Variants in FALEC observed in about 807,000 individuals in gnomAD.
FALEC encodes focally amplified lncRNA regulator of ECM1.
downstream of FALEC, among the ~76,000 whole-genome samples, chr1:150,522,257 A>G (rs936167469): frequency 3.5e-4 from 41 of 116,166 alleles, no homozygotes; most frequent in Admixed American, 2.7e-3. Flanking sequence ...AAAAAAAAAA[A>G]AAAGAAAGAA....
chr1:150,535,059 C>T, the FALEC span, among the ~76,000 whole-genome samples: 3 of 152,038 alleles, frequency 2.0e-5, no homozygotes, highest in Admixed American at 6.6e-5. Context: ...GGATGCAAAG[C>T]GGCTGAGGGC....
chr1:150,527,906 T>C, the FALEC span, among the ~76,000 whole-genome samples: 1 of 152,130 alleles, frequency 6.6e-6, no homozygotes, highest in Non-Finnish European at 1.5e-5. Flanking sequence ...TAGGAGGACT[T>C]GCTTGAATTA....
chr1:150,530,276 A>C, the FALEC span, among the ~76,000 whole-genome samples: 1 of 152,246 alleles, frequency 6.6e-6, no homozygotes, highest in Non-Finnish European at 1.5e-5. Context: ...CTGGGTACTT[A>C]GTAACGGCTG....
chr1:150,525,766 C>A, the FALEC span, among the ~76,000 whole-genome samples: 1 of 152,102 alleles, frequency 6.6e-6, no homozygotes, highest in African/African-American at 2.4e-5. Flanking sequence ...ATCCTCCTGC[C>A]TCAGGCTCCC....
downstream of FALEC, among the ~76,000 whole-genome samples, chr1:150,519,653 G>C (rs775098606): frequency 2.6e-5 from 4 of 151,700 alleles, no homozygotes; most frequent in African/African-American, 4.8e-5. Context: ...TCAGGAGTTC[G>C]AGACCAGCCT....
At chr1:150,531,339 A>G in the FALEC span, among the ~76,000 whole-genome samples, 1 of 152,124 alleles carries the variant, frequency 6.6e-6, no homozygotes, top group South Asian at 2.1e-4. Context: ...TACTAAAAAT[A>G]TAAAATTAGC....
intron 1 of FALEC, chr1:150,516,089 CAA>C (rs587655654): frequency 8.4e-5 from 11 of 131,352 alleles, no homozygotes; most frequent in Non-Finnish European, 1.2e-4. Flanking sequence ...ACTAAAAATA[CAA>C]AAAAAAAAAA....
chr1:150,523,224 C>A, the FALEC span, among the ~76,000 whole-genome samples: 1 of 147,326 alleles, frequency 6.8e-6, no homozygotes, highest in East Asian at 2.0e-4. Flanking sequence ...AACTCCTGAC[C>A]TCAAGTGATC....
the FALEC span, among the ~76,000 whole-genome samples, chr1:150,534,610 A>G: frequency 3.9e-5 from 6 of 152,070 alleles, no homozygotes; most frequent in East Asian, 1.9e-4. Flanking sequence ...TTGGGAGGCC[A>G]AGGTGGGCGG....
chr1:150,525,559 CTT>C, the FALEC span, among the ~76,000 whole-genome samples: 1 of 152,184 alleles, frequency 6.6e-6, no homozygotes, highest in Non-Finnish European at 1.5e-5. Context: ...TCCATTTACA[CTT>C]AAAACTTAAA....
At chr1:150,519,108 G>A (rs1670607481), downstream of FALEC, among the ~76,000 whole-genome samples, 1 of 152,092 alleles carries the variant, frequency 6.6e-6, no homozygotes, top group Non-Finnish European at 1.5e-5. Context: ...ATGTATTATA[G>A]CTCAATGGAT....
exon 1 of FALEC, chr1:150,515,782 A>C (rs985008874): frequency 6.6e-6 from 1 of 152,410 alleles, no homozygotes; most frequent in African/African-American, 2.4e-5. Flanking sequence ...CCTCCAGGAC[A>C]GAGGAACCGG....
the FALEC span, among the ~76,000 whole-genome samples, chr1:150,530,785 G>A: frequency 1.3e-5 from 2 of 152,126 alleles, no homozygotes; most frequent in African/African-American, 2.4e-5. Context: ...GAGTGCCCTC[G>A]CCCTTCCCTT....
chr1:150,521,240 A>G (rs1670638413), downstream of FALEC, among the ~76,000 whole-genome samples: 1 of 152,354 alleles, frequency 6.6e-6, no homozygotes, highest in South Asian at 2.1e-4. Context: ...AATTTCTGTC[A>G]GGTATACAGC....
At chr1:150,519,680 C>A (rs1670614511), downstream of FALEC, among the ~76,000 whole-genome samples, 1 of 151,676 alleles carries the variant, frequency 6.6e-6, no homozygotes, top group Non-Finnish European at 1.5e-5. Context: ...GATGGTGAAA[C>A]CCCGTCTCTA....
downstream of FALEC, among the ~76,000 whole-genome samples, chr1:150,522,904 C>CACATATATATAT: frequency 1.4e-5 from 1 of 72,102 alleles, no homozygotes; most frequent in Non-Finnish European, 2.5e-5. Context: ...TATATATATA[C>CACATATATATAT]ATATATATAC....
the FALEC span, among the ~76,000 whole-genome samples, chr1:150,531,279 G>A: frequency 6.6e-6 from 1 of 152,200 alleles, no homozygotes; most frequent in African/African-American, 2.4e-5. Context: ...CGGATCATCC[G>A]AGGTCGGGAG....
At chr1:150,521,034 C>T (rs1050787194), downstream of FALEC, among the ~76,000 whole-genome samples, 1 of 152,110 alleles carries the variant, frequency 6.6e-6, no homozygotes, top group Non-Finnish European at 1.5e-5. Context: ...CTCCCGACCT[C>T]AGGTGATCTG....
At chr1:150,526,777 G>A in the FALEC span, among the ~76,000 whole-genome samples, 2 of 151,634 alleles carry the variant, frequency 1.3e-5, no homozygotes, top group East Asian at 1.9e-4. Flanking sequence ...GGGACTACAG[G>A]CGCCCACCAC....
Sources: gnomAD v4.1 joint callset for allele counts (sites outside exome capture counted in the v4.1 genomes callset) on GRCh38, gnomAD v4.1.1 for gene constraint, MANE v1.5 for transcripts, NCBI Gene and HGNC (gene_info 2026-07-23, HGNC 2026-07-21) for gene names.